The following RALGPS2 variants were observed in gnomAD, a reference collection of about 807,000 sequenced individuals.
RALGPS2 encodes ras-specific guanine nucleotide-releasing factor RalGPS2.
Under a neutral mutation model 86.8 loss-of-function variants are expected in RALGPS2, and 43 were observed. The observed-to-expected ratio is 0.50, with a 90% CI of 0.39 to 0.64. The LOEUF (loss-of-function observed/expected upper bound fraction) is 0.64. Among genes scored for constraint, RALGPS2 ranks in the 30% least tolerant of loss-of-function variants. RALGPS2 has a pLI of 0.00. For synonymous variants in RALGPS2, 243 were observed against 231.3 expected (o/e 1.05, Z -0.46); for missense variants, 536 against 694.6 (o/e 0.77, Z 2.57).
At chr1:178,914,945 ACT>A (rs1034943472) in intron 19 of RALGPS2, among the ~76,000 whole-genome samples, 16 of 151,072 alleles carry the variant, frequency 1.1e-4, no homozygotes, top group African/African-American at 2.7e-4. Context: ...GGGTATTAAG[ACT>A]CTTTTTTTTT....
intron 4 of RALGPS2, 56 bp from the exon 5 acceptor site, chr1:178,807,989 C>G: frequency 9.2e-7 from 1 of 1,092,412 alleles, no homozygotes; most frequent in Non-Finnish European, 1.4e-6. Flanking sequence ...AAGCCTTAAT[C>G]TGGCAGAAAA....
intron 9 of RALGPS2, among the ~76,000 whole-genome samples, chr1:178,878,286 A>T (rs979134291): frequency 6.6e-6 from 1 of 152,114 alleles, no homozygotes; most frequent in Non-Finnish European, 1.5e-5. Context: ...GTTAATACAT[A>T]ATTTTTATGG....
intron 19 of RALGPS2, among the ~76,000 whole-genome samples, chr1:178,909,902 G>T (rs769220275): frequency 3.9e-5 from 6 of 151,940 alleles, no homozygotes; most frequent in Non-Finnish European, 8.8e-5. Context: ...ACCCACCTCC[G>T]CCTCCCAAAG....
In RALGPS2 at chr1:178,831,713, T is replaced by A. The variant is rs566758275; in HGVS notation, c.481-1711T>A. 2.0e-5 allele frequency among the ~76,000 whole-genome samples: 3 copies of A among 150,620 alleles called. No homozygotes were observed. In the South Asian group the frequency reaches 6.3e-4, roughly 32 times the overall value. ...AACATTATAAATATCAAAAGAAGAT[T>A]TGAAAAGAAGAAAGAAAAGGCTTCT... is the stretch of plus-strand genomic sequence containing the variant. On this transcript the variant is annotated intron_variant, in intron 7 of 19. Transcript: ENST00000367635.
At chr1:178,851,724 C>A (rs1422397531) in intron 8 of RALGPS2, among the ~76,000 whole-genome samples, 1 of 152,110 alleles carries the variant, frequency 6.6e-6, no homozygotes, top group Non-Finnish European at 1.5e-5. Context: ...ATAAAACCAG[C>A]AGTCAAATGG....
rs1004678097 is a variant in RALGPS2 at position 178,919,230 on chromosome 1, T to G, written c.*2871T>G. ...TTTTGTTTTCTTCACTATGTAAATA[T>G]TATTTGGGCAAACATTACAAAAAGG... On this transcript the variant is annotated 3_prime_UTR_variant, in exon 20 of 20. Transcript: ENST00000367635. The G allele has an allele frequency of 6.6e-6, 1 of 152,048 alleles. No homozygotes were observed. The highest frequency in any genetic ancestry group is 1.5e-5 in the Non-Finnish European group (1 of 67,916). The allele number at this position is 152,048 out of a possible 1,614,324, so 9.4% of individuals were successfully genotyped here.
intron 8 of RALGPS2, among the ~76,000 whole-genome samples, chr1:178,869,810 G>T (rs1295409587): frequency 2.6e-5 from 4 of 151,914 alleles, no homozygotes; most frequent in Non-Finnish European, 2.9e-5. Context: ...AAGTGTCTTT[G>T]GTTTAAGGCA....
chr1:178,837,377 T>TG (rs1233895786), intron 8 of RALGPS2, among the ~76,000 whole-genome samples: 12 of 152,204 alleles, frequency 7.9e-5, no homozygotes, highest in African/African-American at 2.9e-4. Flanking sequence ...CCATCTGATC[T>TG]CCTAGCTTTC....
At chr1:178,751,408 C>A (rs1335196603) in intron 1 of RALGPS2, among the ~76,000 whole-genome samples, 1 of 152,082 alleles carries the variant, frequency 6.6e-6, no homozygotes, top group Non-Finnish European at 1.5e-5. Context: ...CAAATAGGGA[C>A]ACCTTTTTTC....
At chr1:178,880,057 T>A (rs541783899) in intron 10 of RALGPS2, among the ~76,000 whole-genome samples, 1 of 152,308 alleles carries the variant, frequency 6.6e-6, no homozygotes, top group East Asian at 1.9e-4. Flanking sequence ...TTTAGCTTTA[T>A]TATCCCATTT....
chr1:178,783,964 A>G (rs972064577), intron 2 of RALGPS2, among the ~76,000 whole-genome samples: 1 of 152,134 alleles, frequency 6.6e-6, no homozygotes, highest in African/African-American at 2.4e-5. Context: ...CTAAGAATGG[A>G]TTATATGTAA....
chr1:178,914,105 C>G (rs1197799337), intron 19 of RALGPS2, among the ~76,000 whole-genome samples: 1 of 152,184 alleles, frequency 6.6e-6, no homozygotes, highest in Non-Finnish European at 1.5e-5. Flanking sequence ...ACATGCAGCT[C>G]AGACTCACCC....
intron 1 of RALGPS2, among the ~76,000 whole-genome samples, chr1:178,748,689 C>G (rs1651478015): frequency 6.6e-6 from 1 of 151,908 alleles, no homozygotes. Context: ...CCCATCTCTA[C>G]TAAAAATATA....
At chr1:178,837,339 T>TGTC (rs1413983291) in intron 8 of RALGPS2, among the ~76,000 whole-genome samples, 1 of 152,190 alleles carries the variant, frequency 6.6e-6, no homozygotes, top group African/African-American at 2.4e-5. Context: ...GAATTCATCA[T>TGTC]GTCTTCTTCT....
chr1:178,777,229 G>C (rs1359782822), intron 2 of RALGPS2, among the ~76,000 whole-genome samples: 1 of 151,010 alleles, frequency 6.6e-6, no homozygotes, highest in Non-Finnish European at 1.5e-5. Flanking sequence ...AAAATCACAA[G>C]CATTCTTATA....
intron 10 of RALGPS2, 102 bp downstream of exon 10, chr1:178,879,094 A>G: frequency 6.8e-7 from 1 of 1,473,000 alleles, no homozygotes; most frequent in South Asian, 1.4e-5. Flanking sequence ...TATCATACAA[A>G]GGACTAATCC....
intron 18 of RALGPS2, 78 bp downstream of exon 18, chr1:178,902,289 T>G: frequency 1.8e-6 from 2 of 1,128,862 alleles, no homozygotes; most frequent in Non-Finnish European, 2.6e-6. Context: ...TGTGTGTGTA[T>G]ACTTGTCATA....
chr1:178,784,614 A>G, intron 3 of RALGPS2, 92 bp downstream of exon 3: 1 of 908,976 alleles, frequency 1.1e-6, no homozygotes, highest in Non-Finnish European at 1.6e-6. Context: ...CAAAAGAGAC[A>G]GCTTTTAGAA....
At chr1:178,735,711 C>G (rs1650652337) in intron 1 of RALGPS2, among the ~76,000 whole-genome samples, 1 of 145,696 alleles carries the variant, frequency 6.9e-6, no homozygotes, top group Non-Finnish European at 1.5e-5. Flanking sequence ...GATATATGTA[C>G]ATTATATTTG....
Sources: allele counts gnomAD v4.1 joint callset (sites outside exome capture counted in the v4.1 genomes callset), GRCh38; gene constraint gnomAD v4.1.1; transcripts MANE v1.5; gene names NCBI Gene and HGNC (gene_info 2026-07-23, HGNC 2026-07-21).